Variants in EXOC6 observed in about 807,000 individuals in gnomAD.
The protein encoded by EXOC6 is exocyst complex component 6.
A neutral mutation model predicts 112.5 loss-of-function variants in EXOC6; 60 were observed. The ratio of observed to expected loss-of-function variants is 0.53; its 90% CI spans 0.43 to 0.66. The LOEUF (loss-of-function observed/expected upper bound fraction) is 0.66, where lower values mean the gene tolerates loss of function less well. Among genes scored for constraint, EXOC6 ranks in the 30% least tolerant of loss-of-function variants. EXOC6 has a pLI of 0.00. For missense variants in EXOC6, 855 were observed against 957.1 expected (o/e 0.89, Z 1.41); for synonymous variants, 295 against 308.0 (o/e 0.96, Z 0.44).
At chr10:93,026,135 G>A (rs2134274654) in intron 20 of EXOC6, among the ~76,000 whole-genome samples, 1 of 152,304 alleles carries the variant, frequency 6.6e-6, no homozygotes, top group Admixed American at 6.5e-5. Flanking sequence ...TTATGTATAT[G>A]TTCTGCTCTT....
At chr10:92,903,024 A>G (rs1850258615) in intron 5 of EXOC6, among the ~76,000 whole-genome samples, 1 of 152,082 alleles carries the variant, frequency 6.6e-6, no homozygotes, top group African/African-American at 2.4e-5. Flanking sequence ...TTTTATAGGG[A>G]TATGTTTATA....
At chr10:93,047,986 A>T (rs1028649597) in intron 20 of EXOC6, among the ~76,000 whole-genome samples, 2 of 152,142 alleles carry the variant, frequency 1.3e-5, no homozygotes, top group Admixed American at 1.3e-4. Flanking sequence ...GAGAGAAAAG[A>T]CACAAAGCAA....
chr10:92,830,984 A>T (rs913672695), upstream of EXOC6, among the ~76,000 whole-genome samples: 1 of 151,970 alleles, frequency 6.6e-6, no homozygotes, highest in Non-Finnish European at 1.5e-5. Flanking sequence ...GACAGGGGAG[A>T]TTGTTTTCTC....
intron 18 of EXOC6, among the ~76,000 whole-genome samples, chr10:92,990,569 A>C (rs1022066016): frequency 1.3e-5 from 2 of 152,230 alleles, no homozygotes; most frequent in African/African-American, 4.8e-5. Context: ...GTTAACTAAC[A>C]GAAGAAAGCA....
chr10:93,045,170 C>T (rs776049837), intron 20 of EXOC6, among the ~76,000 whole-genome samples: 34 of 152,176 alleles, frequency 2.2e-4, no homozygotes, highest in Admixed American at 1.0e-3. Flanking sequence ...CCGTGCCTGG[C>T]CAAGTATTTA....
chr10:92,859,398 C>T (rs1486544487), intron 1 of EXOC6, among the ~76,000 whole-genome samples: 1 of 152,192 alleles, frequency 6.6e-6, no homozygotes, highest in Admixed American at 6.5e-5. Flanking sequence ...TTCCTGACGT[C>T]TCTGTTAAAC....
chr10:92,969,769 C>G (rs545144625), intron 17 of EXOC6, among the ~76,000 whole-genome samples: 72 of 152,252 alleles, frequency 4.7e-4, no homozygotes, highest in African/African-American at 1.6e-3. Flanking sequence ...TCTCAGCTCA[C>G]TGCAACCTCT....
chr10:92,854,061 G>T (rs895209650), intron 1 of EXOC6, among the ~76,000 whole-genome samples: 4 of 149,350 alleles, frequency 2.7e-5, no homozygotes, highest in Non-Finnish European at 4.4e-5. Context: ...ATTGGGAGAA[G>T]ATATTGGCAA....
intron 17 of EXOC6, among the ~76,000 whole-genome samples, chr10:92,958,779 C>T (rs1008125485): frequency 4.6e-5 from 7 of 152,160 alleles, no homozygotes; most frequent in African/African-American, 1.7e-4. Context: ...TGATACTACC[C>T]ATCTTCAAGA....
chr10:92,850,283 T>C (rs1847260020), intron 1 of EXOC6, among the ~76,000 whole-genome samples: 1 of 152,230 alleles, frequency 6.6e-6, no homozygotes, highest in Non-Finnish European at 1.5e-5. Context: ...AGGAACAGAA[T>C]ATGTGTATTC....
intron 20 of EXOC6, among the ~76,000 whole-genome samples, chr10:93,047,072 G>T (rs945957411): frequency 6.6e-6 from 1 of 152,184 alleles, no homozygotes; most frequent in African/African-American, 2.4e-5. Flanking sequence ...TTAAACAAGG[G>T]AATGGTGTAA....
intron 18 of EXOC6, among the ~76,000 whole-genome samples, chr10:92,991,666 T>C (rs879645870): frequency 6.6e-6 from 1 of 152,042 alleles, no homozygotes; most frequent in Non-Finnish European, 1.5e-5. Flanking sequence ...TATTATGCAG[T>C]CCTGTGGTTT....
chr10:93,030,385 A>T (rs1005584791), intron 20 of EXOC6, among the ~76,000 whole-genome samples: 1 of 152,238 alleles, frequency 6.6e-6, no homozygotes, highest in African/African-American at 2.4e-5. Flanking sequence ...GTAAATTTTC[A>T]AAAATAATTT....
chr10:92,998,628 C>CACACA (rs1554915172), intron 19 of EXOC6, among the ~76,000 whole-genome samples: 1 of 141,346 alleles, frequency 7.1e-6, no homozygotes, highest in East Asian at 2.1e-4. Flanking sequence ...CTGTTGCACA[C>CACACA]CACACACACA....
At chr10:92,948,439 T>G in intron 14 of EXOC6, 60 bp downstream of exon 14, 1 of 969,566 alleles carries the variant, frequency 1.0e-6, no homozygotes, top group Non-Finnish European at 1.5e-6. Context: ...TATTTGTTAC[T>G]ACATAATATT....
chr10:92,866,218 A>C (rs901379919), intron 1 of EXOC6, among the ~76,000 whole-genome samples: 1 of 152,156 alleles, frequency 6.6e-6, no homozygotes, highest in Non-Finnish European at 1.5e-5. Flanking sequence ...CAAGTAACTA[A>C]TTTATATTTC....
upstream of EXOC6, among the ~76,000 whole-genome samples, chr10:92,844,361 C>T (rs117054919): frequency 1.4e-3 from 216 of 152,270 alleles, no homozygotes; most frequent in Non-Finnish European, 2.4e-3. Context: ...GATTTGTTCA[C>T]CACCATGATA....
intron 1 of EXOC6, among the ~76,000 whole-genome samples, chr10:92,854,435 C>CA (rs888415320): frequency 0.019 from 2,112 of 112,020 alleles, 19 homozygotes; most frequent in Non-Finnish European, 0.023. Flanking sequence ...GACTCCATCT[C>CA]AAAAAAAAAA....
intron 19 of EXOC6, among the ~76,000 whole-genome samples, chr10:93,010,226 C>T (rs1223300788): frequency 6.6e-6 from 1 of 152,044 alleles, no homozygotes; most frequent in Non-Finnish European, 1.5e-5. Flanking sequence ...GAGAAAAAGC[C>T]CTGAGTGTTA....
Sources: allele counts gnomAD v4.1 joint callset (sites outside exome capture counted in the v4.1 genomes callset), GRCh38; gene constraint gnomAD v4.1.1; transcripts MANE v1.5; gene names NCBI Gene and HGNC (gene_info 2026-07-23, HGNC 2026-07-21).